Variants in CA10 observed in about 807,000 individuals in gnomAD.
The protein encoded by CA10 is carbonic anhydrase 10 (inactive).
A neutral mutation model predicts 44.2 loss-of-function variants in CA10; 14 were observed. The observed-to-expected ratio is 0.32, with a 90% confidence interval of 0.21 to 0.50. CA10 has a LOEUF of 0.50. CA10 is among the 20% of genes least tolerant of loss of function. CA10 has a pLI of 0.99. For synonymous variants in CA10, 159 were observed against 141.6 expected (o/e 1.12, Z -0.87); for missense variants, 350 against 409.7 (o/e 0.85, Z 1.26).
intron 2 of CA10, among the ~76,000 whole-genome samples, chr17:52,023,276 C>A (rs1167761514): frequency 6.6e-6 from 1 of 152,010 alleles, no homozygotes. Context: ...ACCAATGGAA[C>A]AAAATAGAGA....
intron 2 of CA10, among the ~76,000 whole-genome samples, chr17:52,017,023 A>G (rs1374893793): frequency 6.6e-6 from 1 of 152,144 alleles, no homozygotes; most frequent in East Asian, 1.9e-4. Context: ...CATGATTGGA[A>G]GATTCTTGAG....
chr17:51,799,339 G>A (rs1488516968), intron 3 of CA10, among the ~76,000 whole-genome samples: 1 of 152,178 alleles, frequency 6.6e-6, no homozygotes, highest in Non-Finnish European at 1.5e-5. Flanking sequence ...AGCTGGATTT[G>A]CTCATGTTTC....
intron 3 of CA10, among the ~76,000 whole-genome samples, chr17:51,848,552 A>G (rs1978601698): frequency 6.6e-6 from 1 of 152,216 alleles, no homozygotes. Context: ...CATGTGCCAT[A>G]TATTCTTTAG....
chr17:52,158,178 G>T lies in CA10; in HGVS notation c.-392C>A. On this transcript the variant is annotated 5_prime_UTR_variant, in exon 1 of 9. Transcript: ENST00000451037. ...GCTCTTCCAGCAAAAACGAGACCCC[G>T]ATTCGTCTGGCGCCCCAAGAAGACA... 3.1e-6 allele frequency: 1 copy of T among 326,554 alleles called. No homozygotes were observed. Among genetic ancestry groups the T allele is most frequent in the Non-Finnish European group, 5.8e-6 (1 of 172,498 alleles). The allele number at this position is 326,554 out of a possible 1,614,324, so 20.2% of individuals were successfully genotyped here.
At chr17:51,744,415 T>C (rs1277113440) in intron 4 of CA10, among the ~76,000 whole-genome samples, 19 of 152,108 alleles carry the variant, frequency 1.2e-4, no homozygotes, top group Admixed American at 1.2e-3. Flanking sequence ...GTCACCTTTA[T>C]GGAGTCACCA....
chr17:51,992,537 T>C (rs905178102), intron 2 of CA10, among the ~76,000 whole-genome samples: 8 of 152,162 alleles, frequency 5.3e-5, no homozygotes, highest in African/African-American at 1.9e-4. Flanking sequence ...ATTCTCTGAT[T>C]TCAGGCATAA....
chr17:52,092,993 A>G (rs766898852), intron 1 of CA10, among the ~76,000 whole-genome samples: 5 of 152,176 alleles, frequency 3.3e-5, no homozygotes, highest in African/African-American at 4.8e-5. Context: ...GTCCTTCAAT[A>G]ATATCATTTC....
At chr17:51,831,667 A>ACAGCAGCAGCAGCAGC (rs1413563405) in intron 3 of CA10, among the ~76,000 whole-genome samples, 35 of 127,492 alleles carry the variant, frequency 2.7e-4, no homozygotes, top group South Asian at 6.0e-4. Flanking sequence ...AGAAAAGAAA[A>ACAGCAGCAGCAGCAGC]AGCAGCAGCA....
chr17:51,650,978 A>T (rs1913540715), intron 5 of CA10, among the ~76,000 whole-genome samples: 2 of 152,232 alleles, frequency 1.3e-5, no homozygotes, highest in South Asian at 4.1e-4. Context: ...ATTACAGCCA[A>T]ATCTCAGTTC....
At chr17:51,668,144 G>C (rs1016861976) in intron 4 of CA10, among the ~76,000 whole-genome samples, 1 of 152,222 alleles carries the variant, frequency 6.6e-6, no homozygotes, top group Admixed American at 6.5e-5. Context: ...GTCAGCTAGA[G>C]GGAAAGGTCT....
chr17:51,914,481 G>A (rs906953193), intron 3 of CA10, among the ~76,000 whole-genome samples: 1 of 151,984 alleles, frequency 6.6e-6, no homozygotes, highest in Admixed American at 6.6e-5. Flanking sequence ...ACCTTGCCAG[G>A]GAAGAGAGCA....
At chr17:51,777,589 AAAT>A (rs1276362584) in intron 3 of CA10, among the ~76,000 whole-genome samples, 1 of 152,174 alleles carries the variant, frequency 6.6e-6, no homozygotes, top group Non-Finnish European at 1.5e-5. Flanking sequence ...TAGTCATCTT[AAAT>A]ATTATAGCAT....
chr17:52,087,776 G>A (rs569478698), intron 1 of CA10, among the ~76,000 whole-genome samples: 7 of 152,160 alleles, frequency 4.6e-5, no homozygotes, highest in Non-Finnish European at 1.0e-4. Context: ...AATTATACAT[G>A]TGAAAGGGAG....
intron 2 of CA10, among the ~76,000 whole-genome samples, chr17:52,022,573 C>T (rs1721058962): frequency 6.6e-6 from 1 of 152,034 alleles, no homozygotes; most frequent in Admixed American, 6.6e-5. Context: ...GCCATTCTAA[C>T]CACTCCTATT....
chr17:52,041,203 A>C (rs1986758987), intron 2 of CA10, among the ~76,000 whole-genome samples: 1 of 152,102 alleles, frequency 6.6e-6, no homozygotes, highest in Non-Finnish European at 1.5e-5. Flanking sequence ...AAAAAGTAAA[A>C]TTCACAATAT....
At chr17:52,042,613 CTTGT>C (rs1168739257) in intron 2 of CA10, among the ~76,000 whole-genome samples, 2 of 151,660 alleles carry the variant, frequency 1.3e-5, no homozygotes, top group Non-Finnish European at 2.9e-5. Context: ...TGTAGTCCAA[CTTGT>C]TTATTTTTGT....
At chr17:51,699,149 C>T (rs1915501109) in intron 4 of CA10, among the ~76,000 whole-genome samples, 3 of 151,776 alleles carry the variant, frequency 2.0e-5, no homozygotes, top group South Asian at 2.1e-4. Flanking sequence ...GGTGAAACCC[C>T]GTCTCTACTA....
At chr17:51,870,635 C>T (rs1010302928) in intron 3 of CA10, among the ~76,000 whole-genome samples, 1 of 152,198 alleles carries the variant, frequency 6.6e-6, no homozygotes, top group African/African-American at 2.4e-5. Context: ...TATATGAGCA[C>T]TTATTGACAT....
At chr17:51,999,952 C>T (rs529194661) in intron 2 of CA10, among the ~76,000 whole-genome samples, 1 of 152,022 alleles carries the variant, frequency 6.6e-6, no homozygotes, top group African/African-American at 2.4e-5. Context: ...TGACAATGAG[C>T]AATCCTAGGA....
Sources: gnomAD v4.1 joint callset for allele counts (sites outside exome capture counted in the v4.1 genomes callset) on GRCh38, gnomAD v4.1.1 for gene constraint, MANE v1.5 for transcripts, NCBI Gene and HGNC (gene_info 2026-07-23, HGNC 2026-07-21) for gene names.